XNDC1N: variants seen among roughly 807,000 people sequenced by gnomAD.
The protein encoded by XNDC1N is protein XNDC1N.
At chr11:71,917,381 T>C in the XNDC1N span, 82 of 609,116 alleles carry the variant, frequency 1.3e-4, no homozygotes, top group Middle Eastern at 8.5e-4. Context: ...ACAAGTTATA[T>C]ATAAATATAA....
At chr11:71,900,633 T>C in the XNDC1N span, among the ~76,000 whole-genome samples, 4 of 152,308 alleles carry the variant, frequency 2.6e-5, no homozygotes, top group South Asian at 8.3e-4. Context: ...TCTAAACTAT[T>C]CCCTAAGAAC....
chr11:71,901,096 T>A, the XNDC1N span, among the ~76,000 whole-genome samples: 1 of 152,142 alleles, frequency 6.6e-6, no homozygotes, highest in East Asian at 1.9e-4. Flanking sequence ...ACAGCTGAGA[T>A]CACATCGAGG....
At chr11:71,928,372 C>T in the XNDC1N span, 1 of 675,856 alleles carries the variant, frequency 1.5e-6, no homozygotes. Flanking sequence ...CACCCGGGAC[C>T]GTGGACCTCG....
the XNDC1N span, among the ~76,000 whole-genome samples, chr11:71,870,046 C>T: frequency 6.6e-6 from 1 of 152,128 alleles, no homozygotes; most frequent in Admixed American, 6.6e-5. Context: ...TTACGTCTTA[C>T]GTGGTGTCAA....
At chr11:71,874,671 C>T in the XNDC1N span, among the ~76,000 whole-genome samples, 3 of 151,856 alleles carry the variant, frequency 2.0e-5, no homozygotes, top group African/African-American at 2.4e-5. Context: ...CAGAGAGAGA[C>T]AGCAACCTTG....
chr11:71,884,636 C>T, the XNDC1N span: 3 of 1,509,182 alleles, frequency 2.0e-6, no homozygotes, highest in Admixed American at 2.0e-5. Flanking sequence ...GAATAATTAA[C>T]ATGATAGATG....
At chr11:71,897,716 AC>A in the XNDC1N span, among the ~76,000 whole-genome samples, 369 of 152,354 alleles carry the variant, frequency 2.4e-3, no homozygotes, top group African/African-American at 8.4e-3. Flanking sequence ...GTGGGTACCT[AC>A]CAAAAAGAAT....
chr11:71,912,503 A>T, the XNDC1N span, among the ~76,000 whole-genome samples: 1 of 152,116 alleles, frequency 6.6e-6, no homozygotes, highest in Non-Finnish European at 1.5e-5. Flanking sequence ...CTTTCTGGAT[A>T]TTAGGGAGAA....
At chr11:71,875,648 G>A in the XNDC1N span, among the ~76,000 whole-genome samples, 1 of 152,158 alleles carries the variant, frequency 6.6e-6, no homozygotes, top group Admixed American at 6.5e-5. Flanking sequence ...ACTAAATACA[G>A]GAAAGTCAAT....
At chr11:71,888,855 C>T in the XNDC1N span, among the ~76,000 whole-genome samples, 30 of 152,354 alleles carry the variant, frequency 2.0e-4, no homozygotes, top group Non-Finnish European at 3.1e-4. Context: ...GTTTGTAACA[C>T]CCTCCACCCC....
chr11:71,915,955 T>TTGTG, the XNDC1N span: 7 of 581,256 alleles, frequency 1.2e-5, no homozygotes, highest in South Asian at 2.1e-5. Flanking sequence ...ATACTTGTAT[T>TTGTG]TGTGTGTGTG....
the XNDC1N span, among the ~76,000 whole-genome samples, chr11:71,904,639 G>A: frequency 6.6e-6 from 1 of 152,004 alleles, no homozygotes; most frequent in Non-Finnish European, 1.5e-5. Flanking sequence ...CAGCTTCTGT[G>A]ACCTTTTGCG....
At chr11:71,919,251 A>G in the XNDC1N span, among the ~76,000 whole-genome samples, 1 of 152,178 alleles carries the variant, frequency 6.6e-6, no homozygotes, top group Non-Finnish European at 1.5e-5. Context: ...TAATCTTCAT[A>G]ACAATTCTTA....
At chr11:71,917,379 T>C in the XNDC1N span, 1 of 610,130 alleles carries the variant, frequency 1.6e-6, no homozygotes, top group Non-Finnish European at 2.9e-6. Flanking sequence ...CCACAAGTTA[T>C]ATATAAATAT....
the XNDC1N span, among the ~76,000 whole-genome samples, chr11:71,909,595 G>T: frequency 9.2e-5 from 14 of 152,188 alleles, no homozygotes; most frequent in Non-Finnish European, 1.8e-4. Flanking sequence ...GATAGTCAGG[G>T]GTGGAGATAT....
chr11:71,884,505 T>C, the XNDC1N span: 1 of 1,610,142 alleles, frequency 6.2e-7, no homozygotes, highest in Non-Finnish European at 8.5e-7. Context: ...CTGTGCTGAC[T>C]TCAGCATCTG....
At chr11:71,923,030 G>A in the XNDC1N span, among the ~76,000 whole-genome samples, 1 of 152,214 alleles carries the variant, frequency 6.6e-6, no homozygotes, top group Non-Finnish European at 1.5e-5. Context: ...GGATCCTGGT[G>A]CAGTTTCTGG....
At chr11:71,866,786 A>G in the XNDC1N span, among the ~76,000 whole-genome samples, 2 of 152,008 alleles carry the variant, frequency 1.3e-5, no homozygotes, top group African/African-American at 4.8e-5. Flanking sequence ...GACAAAGGCA[A>G]TACTATATAA....
the XNDC1N span, among the ~76,000 whole-genome samples, chr11:71,874,254 A>G: frequency 2.0e-5 from 3 of 152,348 alleles, no homozygotes; most frequent in African/African-American, 7.2e-5. Flanking sequence ...TGGGAAGCAG[A>G]GGTTGCAGTG....
Sources: allele counts gnomAD v4.1 joint callset (sites outside exome capture counted in the v4.1 genomes callset), GRCh38; gene constraint gnomAD v4.1.1; transcripts MANE v1.5; gene names NCBI Gene and HGNC (gene_info 2026-07-23, HGNC 2026-07-21).